NET1: variants seen among roughly 807,000 people sequenced by gnomAD.
The protein encoded by NET1 is neuroepithelial cell transforming 1.
NET1 carries 42 observed loss-of-function variants against 61.1 expected under a neutral mutation model. That is an observed-to-expected ratio of 0.69 (90% CI 0.54 to 0.89). NET1 has a LOEUF of 0.89. Ranked by LOEUF, NET1 falls within the 40% of genes least tolerant of loss-of-function variation. The probability of loss-of-function intolerance (pLI) is 0.00; values close to 1 mark genes in which losing one functional copy is unlikely to be tolerated. For synonymous variants in NET1, 254 were observed against 281.8 expected (o/e 0.90, Z 0.99); for missense variants, 654 against 747.3 (o/e 0.88, Z 1.46).
Position 5,412,867 on chromosome 10 carries a change from A to AG in NET1, c.128+48dup. 3.0e-6 allele frequency: 3 copies of AG among 1,013,496 alleles called. No homozygotes were observed. The highest frequency in any genetic ancestry group is 3.1e-5 in the South Asian group (1 of 32,352). 62.8% of individuals were successfully genotyped at this position (1,013,496 alleles called of 1,614,324 possible). A position where few individuals can be genotyped will look rare whatever the true frequency, so the allele number is the denominator to read the frequency against. On this transcript the variant is annotated intron_variant, in intron 1 of 11. Coordinates refer to ENST00000355029, the MANE Select transcript of NET1 (RefSeq NM_001047160.3). The surrounding 1 kb of genome is among the most constrained non-coding windows in gnomAD (Gnocchi z 6.5). ...GCCGAACGGGAGGTGAGTGTAGGGGAGCGGAGGGCCGAACGGGAGGTGAGT... is the reference window on the plus strand; with the variant it reads ...GCCGAACGGGAGGTGAGTGTAGGGGAGGCGGAGGGCCGAACGGGAGGTGAGT...
chr10:5,453,240 C>T lies in NET1; in HGVS notation c.595-10C>T, dbSNP rs1353227913. The T allele has an allele frequency of 6.8e-7, 1 of 1,480,136 alleles. No individual in the cohort carries two copies. The highest frequency in any genetic ancestry group is 9.5e-7 in the Non-Finnish European group (1 of 1,057,960). The allele number at this position is 1,480,136 out of a possible 1,614,324, so 91.7% of individuals were successfully genotyped here. On this transcript the variant is annotated splice_polypyrimidine_tract_variant and intron_variant, in intron 6 of 11. Coordinates refer to ENST00000355029, the MANE Select transcript of NET1 (RefSeq NM_001047160.3). The surrounding 1 kb of genome is among the most constrained non-coding windows in gnomAD (Gnocchi z 4.9). Reference sequence around the variant, plus strand: ...TGATCTCTCTGTGACACATTTCTCCCCTCTGACAGGCCTATCATGACCCCA... The same window carrying T: ...TGATCTCTCTGTGACACATTTCTCCTCTCTGACAGGCCTATCATGACCCCA...
rs1219961328 is a variant in NET1 at position 5,458,400 on chromosome 10, C to G, written c.*1406C>G. On this transcript the variant is annotated 3_prime_UTR_variant, in exon 12 of 12. Transcript: ENST00000355029. This position sits in a 1 kb window ranked among gnomAD's most constrained non-coding sequence, Gnocchi z 4.5. ...AATCAGAAAAGACTGTAAATAGATC[C>G]ATCCAAATGATTTCTCTGTACAAAT... 1 of 151,560 alleles carries G rather than the reference C, an allele frequency of 6.6e-6. No individual in the cohort carries two copies. Among genetic ancestry groups the G allele is most frequent in the Non-Finnish European group, 1.5e-5 (1 of 67,862 alleles). 9.4% of individuals were successfully genotyped at this position (151,560 alleles called of 1,614,324 possible).
chr10:5,449,192 C>G lies in NET1; in HGVS notation c.256-2638C>G, dbSNP rs1212931006. 6.6e-6 allele frequency among the ~76,000 whole-genome samples: 1 copy of G among 152,114 alleles called. No homozygotes were observed. Among genetic ancestry groups the G allele is most frequent in the East Asian group, 1.9e-4 (1 of 5,194 alleles). On this transcript the variant is annotated intron_variant, in intron 3 of 11. Transcript: ENST00000355029. This position sits in a 1 kb window ranked among gnomAD's most constrained non-coding sequence, Gnocchi z 4.4. ...TATACCTTTACATTTCATAATCACA[C>G]TTTTCGTTATTTTAGTCATTAAAAT...
At position 5,415,213 on chromosome 10, in the gene NET1, T is replaced by A. The variant is rs2119160722; in HGVS notation, c.128+2393T>A. Among the ~76,000 whole-genome samples, 1 of 152,270 alleles carries A rather than the reference T, an allele frequency of 6.6e-6. No individual in the cohort carries two copies. The highest frequency in any genetic ancestry group is 2.4e-5 in the African/African-American group (1 of 41,548). On this transcript the variant is annotated intron_variant, in intron 1 of 11. Transcript: ENST00000355029. The surrounding 1 kb of genome is among the most constrained non-coding windows in gnomAD (Gnocchi z 4.7). The stretch of plus-strand genomic sequence containing the variant: ...CAGGCAAAACTCAGTATAAACTAAT[T>A]TGAAAGACAAATACGTACAGTACAA...
In NET1 at chr10:5,417,562, T is replaced by C. The variant is rs966855132; in HGVS notation, c.128+4742T>C. Among the ~76,000 whole-genome samples, 1 of 152,240 alleles carries C rather than the reference T, an allele frequency of 6.6e-6. No individual in the cohort carries two copies. Among genetic ancestry groups the C allele is most frequent in the Non-Finnish European group, 1.5e-5 (1 of 68,038 alleles). ...ACCTTGCTGAGCTCATTAGTTCTAATAGTTTTTTAGTGGTTTCTTTAGGAC... is the reference window on the plus strand; with the variant it reads ...ACCTTGCTGAGCTCATTAGTTCTAACAGTTTTTTAGTGGTTTCTTTAGGAC... On this transcript the variant is annotated intron_variant, in intron 1 of 11. Coordinates refer to ENST00000355029, the MANE Select transcript of NET1 (RefSeq NM_001047160.3). This position sits in a 1 kb window ranked among gnomAD's most constrained non-coding sequence, Gnocchi z 5.5.
rs755905244 is a variant in NET1 at position 5,446,791 on chromosome 10, G to T, written c.256-5039G>T. 1 of 1,609,964 alleles carries T rather than the reference G, an allele frequency of 6.2e-7. No individual in the cohort carries two copies. The highest frequency in any genetic ancestry group is 8.5e-7 in the Non-Finnish European group (1 of 1,177,734). Reference sequence around the variant, plus strand: ...ATGGTGGCACATGATGAGACTGGAGGTCTCCTACCTATTAAAAGGACCATA... The same window carrying T: ...ATGGTGGCACATGATGAGACTGGAGTTCTCCTACCTATTAAAAGGACCATA... On this transcript the variant is annotated intron_variant, in intron 3 of 11. Transcript: ENST00000355029. The surrounding 1 kb of genome is among the most constrained non-coding windows in gnomAD (Gnocchi z 5.0).
intron 1 of NET1, among the ~76,000 whole-genome samples, chr10:5,413,021 A>C: frequency 6.7e-5 from 1 of 14,956 alleles, no homozygotes. Flanking sequence ...GGGGTGGGGG[A>C]GGTGACCGCG....
chr10:5,457,708 G>A lies in NET1; in HGVS notation c.*714G>A, dbSNP rs1832829286. On this transcript the variant is annotated 3_prime_UTR_variant, in exon 12 of 12. Transcript: ENST00000355029. The surrounding 1 kb of genome is among the most constrained non-coding windows in gnomAD (Gnocchi z 5.4). Reference sequence around the variant, plus strand: ...TTTTTCTTCCTGATTAAAAATGTGTGTGTATGTGTGTGTGTGTGTGTATAT... The same window carrying A: ...TTTTTCTTCCTGATTAAAAATGTGTATGTATGTGTGTGTGTGTGTGTATAT... The A allele has an allele frequency of 6.6e-6, 1 of 151,946 alleles. No individual in the cohort carries two copies. The allele number at this position is 151,946 out of a possible 1,614,324, so 9.4% of individuals were successfully genotyped here. A position where few individuals can be genotyped will look rare whatever the true frequency, so the allele number is the denominator to read the frequency against.
Position 5,441,439 on chromosome 10 carries a change from G to A in NET1, c.256-10391G>A, listed in dbSNP as rs1832523834. Among the ~76,000 whole-genome samples the A allele has an allele frequency of 6.6e-6, 1 of 152,220 alleles. No individual in the cohort carries two copies. The highest frequency in any genetic ancestry group is 1.5e-5 in the Non-Finnish European group (1 of 68,032). On this transcript the variant is annotated intron_variant, in intron 3 of 11. Transcript: ENST00000355029. The surrounding 1 kb of genome is among the most constrained non-coding windows in gnomAD (Gnocchi z 4.6). ...ACAATATCCTTTTGTCTTTAGTTTG[G>A]GGCCTTAAGCTGAAGTTCAGGGAAA... is the stretch of plus-strand genomic sequence containing the variant.
rs539101620 is a variant in NET1, at chr10:5,421,376, A to G, written c.129-5279A>G. Among the ~76,000 whole-genome samples the G allele has an allele frequency of 5.6e-4, 85 of 152,368 alleles. No homozygotes were observed. Among genetic ancestry groups the G allele is most frequent in the Middle Eastern group, 3.4e-3 (1 of 294 alleles). The stretch of plus-strand genomic sequence containing the variant: ...TATTTTCCTTTTTTGCAGATTTGAA[A>G]TAATGCTGTCCATTGGTAGAAAAAT... On this transcript the variant is annotated intron_variant, in intron 1 of 11. Transcript: ENST00000355029. This position sits in a 1 kb window ranked among gnomAD's most constrained non-coding sequence, Gnocchi z 4.2.
At chr10:5,428,470 G>A (rs1379286915) in intron 2 of NET1, among the ~76,000 whole-genome samples, 25 of 138,096 alleles carry the variant, frequency 1.8e-4, no homozygotes, top group Admixed American at 3.7e-4. Flanking sequence ...TGAAGACCTT[G>A]CCCCCAAGAT....
intron 1 of NET1, among the ~76,000 whole-genome samples, chr10:5,413,197 C>T (rs1302823821): frequency 6.6e-6 from 1 of 152,136 alleles, no homozygotes; most frequent in Non-Finnish European, 1.5e-5. Flanking sequence ...CTGACTGTTT[C>T]TCAGGGGAGA....
In NET1 at chr10:5,423,166, AT is replaced by A. The variant is rs1343387299; in HGVS notation, c.129-3483del. 6.6e-6 allele frequency among the ~76,000 whole-genome samples: 1 copy of A among 152,122 alleles called. No homozygotes were observed. The highest frequency in any genetic ancestry group is 6.5e-5 in the Admixed American group (1 of 15,272). On this transcript the variant is annotated intron_variant, in intron 1 of 11. Transcript: ENST00000355029. The surrounding 1 kb of genome is among the most constrained non-coding windows in gnomAD (Gnocchi z 4.4). The stretch of plus-strand genomic sequence containing the variant: ...TGAAACTCGTTTTCATTCTACATCC[AT>A]TTTTTATGGTGAATGCATCTTGAGG...
Position 5,446,590 on chromosome 10 carries a change from C to T in NET1, c.256-5240C>T. 2.5e-6 allele frequency: 3 copies of T among 1,202,520 alleles called. No homozygotes were observed. The highest frequency in any genetic ancestry group is 3.1e-6 in the Non-Finnish European group (3 of 967,292). The allele number at this position is 1,202,520 out of a possible 1,614,324, so 74.5% of individuals were successfully genotyped here. ...CCGCCCCCGAGCCCTGGGGTCGGTGCTTGCTGCCTGCGGCTCTCAGAAGCC... is the reference window on the plus strand; with the variant it reads ...CCGCCCCCGAGCCCTGGGGTCGGTGTTTGCTGCCTGCGGCTCTCAGAAGCC... On this transcript the variant is annotated intron_variant, in intron 3 of 11. Transcript: ENST00000355029. This position sits in a 1 kb window ranked among gnomAD's most constrained non-coding sequence, Gnocchi z 5.0.
rs1832574377 is a variant in NET1, at chr10:5,444,556, C to A, written c.256-7274C>A. Among the ~76,000 whole-genome samples the A allele has an allele frequency of 6.6e-6, 1 of 152,146 alleles. No individual in the cohort carries two copies. Among genetic ancestry groups the A allele is most frequent in the African/African-American group, 2.4e-5 (1 of 41,424 alleles). On this transcript the variant is annotated intron_variant, in intron 3 of 11. Coordinates refer to ENST00000355029, the MANE Select transcript of NET1 (RefSeq NM_001047160.3). This position sits in a 1 kb window ranked among gnomAD's most constrained non-coding sequence, Gnocchi z 5.3. ...GCTTTTTTCATACCCTCCTTAACCT[C>A]TTTGCTGTAATTAACATTTTTTTCT... is the stretch of plus-strand genomic sequence containing the variant.
rs1832342379 is a variant in NET1, at chr10:5,431,044, T to A, written c.255+1815T>A. 6.6e-6 allele frequency among the ~76,000 whole-genome samples: 1 copy of A among 151,774 alleles called. No homozygotes were observed. The highest frequency in any genetic ancestry group is 1.5e-5 in the Non-Finnish European group (1 of 67,916). On this transcript the variant is annotated intron_variant, in intron 3 of 11. Transcript: ENST00000355029. The surrounding 1 kb of genome is among the most constrained non-coding windows in gnomAD (Gnocchi z 4.9). Reference sequence around the variant, plus strand: ...CCGCCACCACGCCCGGCTAATTTTTTGTATTTTCAGTAGAGACGGGGTTTC... The same window carrying A: ...CCGCCACCACGCCCGGCTAATTTTTAGTATTTTCAGTAGAGACGGGGTTTC...
Position 5,435,546 on chromosome 10 carries a change from T to C in NET1, c.255+6317T>C, listed in dbSNP as rs71485435. ...ATAGATAGATAGACAGACAGACAGA[T>C]AGATAGATAGATAGATAAAATAGAT... On this transcript the variant is annotated intron_variant, in intron 3 of 11. Transcript: ENST00000355029. This position sits in a 1 kb window ranked among gnomAD's most constrained non-coding sequence, Gnocchi z 5.0. Among the ~76,000 whole-genome samples, 7 of 118,290 alleles carry C rather than the reference T, an allele frequency of 5.9e-5. No individual in the cohort carries two copies. The highest frequency in any genetic ancestry group is 1.8e-4 in the African/African-American group (6 of 33,606). The allele number at this position is 118,290 out of a possible 152,430, so 77.6% of individuals were successfully genotyped here. A position where few individuals can be genotyped will look rare whatever the true frequency, so the allele number is the denominator to read the frequency against.
At chr10:5,442,683 C>T (rs1832540326) in intron 3 of NET1, among the ~76,000 whole-genome samples, 1 of 152,004 alleles carries the variant, frequency 6.6e-6, no homozygotes, top group African/African-American at 2.4e-5. Context: ...TCACTTGAGA[C>T]CAGGAATTCG....
Position 5,456,146 on chromosome 10 carries a change from C to T in NET1, c.1257C>T (p.Asn419=), listed in dbSNP as rs186691846. ...TTCTGACTCGGCCCGTCACACGGAA[C>T]GAACGGCACTCTTACCAGGTTTACC... ...ILVLTRPVTR[N]ERHSYQVYRQ... The change falls in exon 11 of 12, where the codon AAC becomes AAT. Residue 419 remains asparagine (N), a synonymous_variant. Coordinates refer to ENST00000355029, the MANE Select transcript of NET1 (RefSeq NM_001047160.3). This position sits in a 1 kb window ranked among gnomAD's most constrained non-coding sequence, Gnocchi z 7.0. 81 of 1,614,146 alleles carry T rather than the reference C, an allele frequency of 5.0e-5. 1 individual carries two copies. In the East Asian group the frequency reaches 6.0e-4, roughly 12 times the overall value.
Sources: allele counts gnomAD v4.1 joint callset (sites outside exome capture counted in the v4.1 genomes callset), GRCh38; gene constraint gnomAD v4.1.1; non-coding constraint Gnocchi (gnomAD v3.1); transcripts MANE v1.5; gene names NCBI Gene and HGNC (gene_info 2026-07-23, HGNC 2026-07-21).